The following BMPR1A variants were observed in gnomAD, a reference collection of about 807,000 sequenced individuals.
BMPR1A encodes the protein bone morphogenetic protein receptor type 1A.
In BMPR1A, 7 loss-of-function variants were observed where a neutral mutation model predicts 66.0. The ratio of observed to expected loss-of-function variants is 0.11; its 90% CI spans 0.06 to 0.20. The LOEUF (loss-of-function observed/expected upper bound fraction) is 0.20, where lower values mean the gene tolerates loss of function less well. Among genes scored for constraint, BMPR1A ranks in the 10% least tolerant of loss-of-function variants. The pLI is 1.00. For missense variants in BMPR1A, 408 were observed against 669.1 expected (o/e 0.61, Z 4.31); for synonymous variants, 200 against 229.7 (o/e 0.87, Z 1.17).
chr10:86,931,735 A>G (rs1157327439), downstream of BMPR1A: 1 of 152,250 alleles, frequency 6.6e-6, no homozygotes, highest in East Asian at 1.9e-4. Flanking sequence ...GGAAGTTGAA[A>G]CTGGCCATAT....
At chr10:86,900,157 T>G in intron 7 of BMPR1A, 31 bp downstream of exon 7, 1 of 1,600,190 alleles carries the variant, frequency 6.2e-7, no homozygotes, top group Non-Finnish European at 8.5e-7. Flanking sequence ...AAGCAAAATA[T>G]TTTGTCAAAT....
chr10:86,774,062 G>T (rs2132668120), intron 1 of BMPR1A, among the ~76,000 whole-genome samples: 1 of 152,036 alleles, frequency 6.6e-6, no homozygotes, highest in Admixed American at 6.5e-5. Context: ...TAATGGCCAG[G>T]CTGGTCTCAA....
chr10:86,893,652 G>A (rs936195074), intron 5 of BMPR1A, among the ~76,000 whole-genome samples: 13 of 152,066 alleles, frequency 8.5e-5, no homozygotes, highest in Middle Eastern at 3.2e-3. Flanking sequence ...GCTGGACGTG[G>A]TGGCGGGTGC....
At chr10:86,766,361 C>G (rs1319394908) in intron 1 of BMPR1A, among the ~76,000 whole-genome samples, 2 of 152,108 alleles carry the variant, frequency 1.3e-5, no homozygotes, top group East Asian at 1.9e-4. Context: ...ATTTTACTTA[C>G]CAGTTTCGTG....
At chr10:86,855,775 TC>T in intron 2 of BMPR1A, 1 of 1,139,900 alleles carries the variant, frequency 8.8e-7, no homozygotes, top group Non-Finnish European at 1.3e-6. Context: ...GCAGCTGTCG[TC>T]TAATACTTGT....
chr10:86,871,194 C>T lies in BMPR1A; in HGVS notation c.-152-4673C>T, dbSNP rs143981908. ...CACTTCTCAGCATTGCTTCCCTTTC[C>T]GCTTCATCTAGATTAGAGGGGGGTC... On this transcript the variant is annotated intron_variant, in intron 2 of 12. Transcript: ENST00000372037. 3.9e-5 allele frequency among the ~76,000 whole-genome samples: 6 copies of T among 152,268 alleles called. No individual in the cohort carries two copies. In the East Asian group the frequency reaches 7.7e-4, roughly 20 times the overall value.
chr10:86,919,370 C>T lies in BMPR1A; in HGVS notation c.1067C>T (p.Pro356Leu). 6.2e-7 allele frequency: 1 copy of T among 1,613,126 alleles called. No homozygotes were observed. The highest frequency in any genetic ancestry group is 1.1e-5 in the South Asian group (1 of 91,032). The change falls in exon 10 of 13, where the codon CCC becomes CTC. Residue 356 changes from proline to leucine, a missense_variant. Pro to Leu is a moderately conservative substitution (Grantham distance 98). Around this residue, in one of 5 missense-constraint regions of BMPR1A, gnomAD observed 130 missense variants for 257.3 expected, o/e 0.51. Transcript: ENST00000372037. ...HTEIYGTQGKPAIAHRDLKSK... is the reference protein window; with the variant it reads ...HTEIYGTQGKLAIAHRDLKSK... ...GAAATTTATGGCACCCAAGGAAAGC[C>T]CGCAATTGCTCATCGAGACCTAAAG... is the stretch of plus-strand genomic sequence containing the variant.
intron 1 of BMPR1A, among the ~76,000 whole-genome samples, chr10:86,801,011 A>C (rs1374915700): frequency 6.6e-6 from 1 of 152,266 alleles, no homozygotes; most frequent in Non-Finnish European, 1.5e-5. Flanking sequence ...CATGACAGTA[A>C]TTGTAAATAT....
At chr10:86,893,713 G>T (rs377518250) in intron 5 of BMPR1A, among the ~76,000 whole-genome samples, 67 of 152,136 alleles carry the variant, frequency 4.4e-4, no homozygotes, top group African/African-American at 1.6e-3. Flanking sequence ...GCATGAACCC[G>T]GGAGGTGGAG....
At chr10:86,908,309 A>G (rs564383689) in intron 7 of BMPR1A, among the ~76,000 whole-genome samples, 1 of 152,246 alleles carries the variant, frequency 6.6e-6, no homozygotes, top group African/African-American at 2.4e-5. Context: ...AAGATATCAC[A>G]TGTACCCCCC....
At chr10:86,760,136 A>G (rs1202698761) in intron 1 of BMPR1A, among the ~76,000 whole-genome samples, 1 of 128,960 alleles carries the variant, frequency 7.8e-6, no homozygotes, top group Non-Finnish European at 1.6e-5. Flanking sequence ...GAAGTTTCCT[A>G]GGTCTTCCAT....
chr10:86,786,838 G>GA (rs1841525127), intron 1 of BMPR1A, among the ~76,000 whole-genome samples: 1 of 152,176 alleles, frequency 6.6e-6, no homozygotes, highest in Admixed American at 6.5e-5. Context: ...GCCATGCTTA[G>GA]AATGGCTCTT....
chr10:86,874,391 C>G (rs1842891824), intron 2 of BMPR1A, among the ~76,000 whole-genome samples: 1 of 151,142 alleles, frequency 6.6e-6, no homozygotes, highest in Admixed American at 6.6e-5. Flanking sequence ...TTTTTTCCCT[C>G]CGCTCCCCTC....
intron 5 of BMPR1A, among the ~76,000 whole-genome samples, chr10:86,892,799 G>T (rs1269323668): frequency 6.7e-6 from 1 of 149,888 alleles, no homozygotes; most frequent in African/African-American, 2.5e-5. Context: ...GGAGGCCAAG[G>T]TTGCAGTTAG....
chr10:86,759,962 C>G (rs189005787), intron 1 of BMPR1A, among the ~76,000 whole-genome samples: 3 of 145,258 alleles, frequency 2.1e-5, no homozygotes, highest in South Asian at 2.2e-4. Context: ...GTTCTCCCCC[C>G]ACCACCCCGC....
chr10:86,917,596 C>G (rs368136166), intron 9 of BMPR1A, among the ~76,000 whole-genome samples: 2 of 152,314 alleles, frequency 1.3e-5, no homozygotes, highest in Admixed American at 6.5e-5. Flanking sequence ...AAAACCCAGT[C>G]TTTTATAGAT....
chr10:86,804,550 T>C (rs1244811662), intron 1 of BMPR1A, among the ~76,000 whole-genome samples: 2 of 152,160 alleles, frequency 1.3e-5, no homozygotes, highest in African/African-American at 2.4e-5. Flanking sequence ...ATTTTCTTTA[T>C]AGACCCTATT....
At chr10:86,869,601 A>G (rs1397042854) in intron 2 of BMPR1A, among the ~76,000 whole-genome samples, 4 of 152,048 alleles carry the variant, frequency 2.6e-5, no homozygotes, top group Admixed American at 2.6e-4. Flanking sequence ...TACTAATAAT[A>G]CAAAAATTAG....
In BMPR1A at chr10:86,917,384, G is replaced by A. The variant is rs1218645662; in HGVS notation, c.868+58G>A. 7 of 1,590,434 alleles carry A rather than the reference G, an allele frequency of 4.4e-6. No homozygotes were observed. The African/African-American group carries it at 9.4e-5, about 21-fold the overall frequency. On this transcript the variant is annotated intron_variant, in intron 9 of 12. Transcript: ENST00000372037. ...TTGACAAGGCTAGTGAGGTACAGGT[G>A]GAAGCCTCCATATGTGCTTTGAAAA...
Sources: allele counts gnomAD v4.1 joint callset (sites outside exome capture counted in the v4.1 genomes callset), GRCh38; gene constraint gnomAD v4.1.1; regional missense constraint gnomAD v4.1.1; transcripts MANE v1.5; gene names NCBI Gene and HGNC (gene_info 2026-07-23, HGNC 2026-07-21).